Variants in RERE observed in about 807,000 individuals in gnomAD.
RERE encodes the protein arginine-glutamic acid dipeptide repeats, also known as arginine-glutamic acid dipeptide repeats protein.
A neutral mutation model predicts 146.1 loss-of-function variants in RERE; 40 were observed. That is an observed-to-expected ratio of 0.27 (90% CI 0.21 to 0.36). RERE has a LOEUF of 0.36. Ranked by LOEUF, RERE falls within the 10% of genes least tolerant of loss-of-function variation. The pLI, the probability that RERE is intolerant of heterozygous loss-of-function variation, is 1.00. For synonymous variants in RERE, 1,003 were observed against 866.0 expected, an observed-to-expected ratio of 1.16 and a Z score of -2.78; for missense variants, 1,933 against 2,138.7, an observed-to-expected ratio of 0.90 and a Z score of 1.90.
At chr1:8,733,939 T>TA (rs1251750408) in intron 1 of RERE, among the ~76,000 whole-genome samples, 5 of 152,076 alleles carry the variant, frequency 3.3e-5, no homozygotes, top group Non-Finnish European at 7.4e-5. Flanking sequence ...CCATCTCTAC[T>TA]AAAAGACACA....
At chr1:8,732,980 C>G (rs1176045922) in intron 1 of RERE, among the ~76,000 whole-genome samples, 1 of 151,754 alleles carries the variant, frequency 6.6e-6, no homozygotes, top group South Asian at 2.1e-4. Context: ...CGCCACTACG[C>G]CCGGCTAATT....
intron 12 of RERE, among the ~76,000 whole-genome samples, chr1:8,372,604 C>T (rs867694385): frequency 6.6e-5 from 10 of 151,360 alleles, no homozygotes; most frequent in South Asian, 2.1e-4. Context: ...CACCCCCTTT[C>T]GATTCAGTTC....
chr1:8,438,803 T>C (rs1232840700), intron 11 of RERE, among the ~76,000 whole-genome samples: 2 of 152,142 alleles, frequency 1.3e-5, no homozygotes, highest in Non-Finnish European at 2.9e-5. Flanking sequence ...AAGGTAATAA[T>C]CCAACTAAGT....
intron 13 of RERE, among the ~76,000 whole-genome samples, chr1:8,365,274 C>T (rs529907708): frequency 5.9e-5 from 9 of 152,328 alleles, no homozygotes; most frequent in Admixed American, 2.6e-4. Flanking sequence ...TTCAGCGTCC[C>T]GGGCCAGGAC....
intron 1 of RERE, among the ~76,000 whole-genome samples, chr1:8,792,800 C>T (rs1484592844): frequency 2.0e-5 from 3 of 152,104 alleles, no homozygotes; most frequent in African/African-American, 4.8e-5. Context: ...TGTCTTACAT[C>T]GGGTATGTTT....
chr1:8,448,497 G>A (rs190698333), intron 11 of RERE, among the ~76,000 whole-genome samples: 23 of 152,294 alleles, frequency 1.5e-4, no homozygotes, highest in Middle Eastern at 3.4e-3. Context: ...AGTGGCTCAC[G>A]CCTGTAATCC....
intron 10 of RERE, among the ~76,000 whole-genome samples, chr1:8,472,820 T>C (rs79181587): frequency 1.2e-3 from 186 of 151,602 alleles, no homozygotes; most frequent in African/African-American, 4.3e-3. Context: ...GAAAGCACTT[T>C]CAGATTCATC....
chr1:8,530,674 GTTTTCTTT>G (rs1557674689), intron 7 of RERE, among the ~76,000 whole-genome samples: 3 of 116,924 alleles, frequency 2.6e-5, no homozygotes, highest in African/African-American at 9.6e-5. Context: ...CTGAGTTTTC[GTTTTCTTT>G]TTTTTTTTTT....
At chr1:8,738,465 C>T (rs922412031) in intron 1 of RERE, among the ~76,000 whole-genome samples, 1 of 151,880 alleles carries the variant, frequency 6.6e-6, no homozygotes, top group African/African-American at 2.4e-5. Flanking sequence ...GGATTACAGG[C>T]ATGAGCCACC....
At chr1:8,487,949 A>C (rs1362546237) in intron 10 of RERE, among the ~76,000 whole-genome samples, 2 of 152,186 alleles carry the variant, frequency 1.3e-5, no homozygotes, top group Non-Finnish European at 2.9e-5. Flanking sequence ...TATTGTAAGA[A>C]GTAAAAGAAA....
At chr1:8,497,315 TA>T in intron 9 of RERE, 89 bp downstream of exon 9, 2 of 1,430,522 alleles carry the variant, frequency 1.4e-6, no homozygotes, top group Non-Finnish European at 1.9e-6. Context: ...AATATAGAAA[TA>T]AAATCTCAGG....
chr1:8,359,975 T>C lies in RERE; in HGVS notation c.3407A>G (p.His1136Arg), dbSNP rs1641490415. 1.9e-6 allele frequency: 3 copies of C among 1,612,624 alleles called. No homozygotes were observed. Among genetic ancestry groups the C allele is most frequent in the Admixed American group, 1.7e-5 (1 of 60,010 alleles). ...ACACGAGTTGTAGCCCCGGTCCAGG[T>C]GTTTGTAGAACCTGAGAAAAGCCAC... Reference protein sequence around the residue: ...HASQSARFYKHLDRGYNSCAR... With the variant: ...HASQSARFYKRLDRGYNSCAR... Residue 1136 changes from histidine to arginine, a missense_variant, in exon 19 of 23, where the codon CAC becomes CGC. Around this residue, in one of 11 missense-constraint regions of RERE, gnomAD observed 1,255 missense variants for 1,153.8 expected, o/e 1.09. Coordinates refer to ENST00000400908, the MANE Select transcript of RERE (RefSeq NM_001042681.2).
At position 8,423,686 on chromosome 1, in the gene RERE, G is replaced by T. The variant is rs902919561; in HGVS notation, c.1204-879C>A. ...CGGCTCCACAAAGCGCAGGGCGGAG[G>T]CGGCCGCGGGTGGCTCGGCGTGTGA... On this transcript the variant is annotated intron_variant, in intron 11 of 22. Coordinates refer to ENST00000400908, the MANE Select transcript of RERE (RefSeq NM_001042681.2). The surrounding 1 kb of genome is among the most constrained non-coding windows in gnomAD (Gnocchi z 5.4). 6 of 983,082 alleles carry T rather than the reference G, an allele frequency of 6.1e-6. No individual in the cohort carries two copies. The South Asian group carries it at 1.9e-4, about 31-fold the overall frequency. The allele number at this position is 983,082 out of a possible 1,614,324, so 60.9% of individuals were successfully genotyped here.
chr1:8,736,777 T>C (rs1480590895), intron 1 of RERE, among the ~76,000 whole-genome samples: 7 of 150,692 alleles, frequency 4.6e-5, no homozygotes, highest in African/African-American at 1.7e-4. Flanking sequence ...CTCAACACTC[T>C]TTTAGGCAAA....
chr1:8,537,408 T>C lies in RERE; in HGVS notation c.830+3806A>G, dbSNP rs1645739222. ...CCATATTCCATCATATTAGTATTTT[T>C]AGAGTAAAACTTACACAAACTCACA... is the stretch of plus-strand genomic sequence containing the variant. On this transcript the variant is annotated intron_variant, in intron 7 of 22. Transcript: ENST00000400908. 2.0e-5 allele frequency among the ~76,000 whole-genome samples: 3 copies of C among 152,246 alleles called. 1 individual carries two copies. Among genetic ancestry groups the C allele is most frequent in the South Asian group, 4.1e-4 (2 of 4,824 alleles).
chr1:8,436,882 G>C (rs1644176934), intron 11 of RERE, among the ~76,000 whole-genome samples: 1 of 152,130 alleles, frequency 6.6e-6, no homozygotes, highest in Non-Finnish European at 1.5e-5. Context: ...GCACATTGCA[G>C]ATGCTCAACA....
chr1:8,442,193 T>C (rs1427776303), intron 11 of RERE, among the ~76,000 whole-genome samples: 1 of 152,108 alleles, frequency 6.6e-6, no homozygotes, highest in Non-Finnish European at 1.5e-5. Context: ...AAGACCAGCC[T>C]GGCCACCATG....
At position 8,515,406 on chromosome 1, in the gene RERE, CAGGTCACCTG is replaced by C. The variant is rs1230313428; in HGVS notation, c.831-6741_831-6732del. Among the ~76,000 whole-genome samples the C allele has an allele frequency of 2.7e-5, 4 of 149,400 alleles. No homozygotes were observed. In the East Asian group the frequency reaches 7.8e-4, roughly 29 times the overall value. On this transcript the variant is annotated intron_variant, in intron 7 of 22. Coordinates refer to ENST00000400908, the MANE Select transcript of RERE (RefSeq NM_001042681.2). ...GGCGTGGTGGCTCACCTGAGGCAGG[CAGGTCACCTG>C]ACGTCAGGAGTTCAAGACCAGCCTG...
chr1:8,401,069 A>ATATATATATATATATATATATG (rs761609705), intron 12 of RERE, among the ~76,000 whole-genome samples: 76 of 85,000 alleles, frequency 8.9e-4, no homozygotes, highest in Non-Finnish European at 1.3e-3. Context: ...ATATATATAT[A>ATATATATATATATATATATATG]TATGTCACTT....
Sources: allele counts gnomAD v4.1 joint callset (sites outside exome capture counted in the v4.1 genomes callset), GRCh38; gene constraint gnomAD v4.1.1; regional missense constraint gnomAD v4.1.1; non-coding constraint Gnocchi (gnomAD v3.1); transcripts MANE v1.5; gene names NCBI Gene and HGNC (gene_info 2026-07-23, HGNC 2026-07-21).